Variants in PCDHA7 observed in about 807,000 individuals in gnomAD.
PCDHA7 encodes protocadherin alpha-7.
PCDHA7 carries 37 observed loss-of-function variants against 57.2 expected under a neutral mutation model. The observed-to-expected ratio is 0.65, with a 90% CI of 0.50 to 0.85. PCDHA7 has a LOEUF of 0.85. PCDHA7 is among the 40% of genes least tolerant of loss of function. The pLI, the probability that PCDHA7 is intolerant of heterozygous loss-of-function variation, is 0.00. For missense variants in PCDHA7, 1,188 were observed against 1,241.8 expected (o/e 0.96, Z 0.65); for synonymous variants, 553 against 558.8 (o/e 0.99, Z 0.15).
chr5:140,883,668 A>G (rs782191858), intron 1 of PCDHA7: 16 of 1,613,456 alleles, frequency 9.9e-6, no homozygotes, highest in Non-Finnish European at 1.4e-5. Flanking sequence ...GTGAAGGAAA[A>G]CAATCCGCCG....
chr5:140,840,555 T>C (rs1418325429), intron 1 of PCDHA7, among the ~76,000 whole-genome samples: 1 of 152,084 alleles, frequency 6.6e-6, no homozygotes, highest in African/African-American at 2.4e-5. Flanking sequence ...ATGGCAATAC[T>C]GCTAGAGTTT....
At chr5:140,960,763 C>A (rs1424215578) in intron 1 of PCDHA7, among the ~76,000 whole-genome samples, 1 of 151,896 alleles carries the variant, frequency 6.6e-6, no homozygotes, top group Non-Finnish European at 1.5e-5. Flanking sequence ...CCAAGAGTTA[C>A]AGAGGAGAAA....
chr5:140,968,709 T>C lies in PCDHA7; in HGVS notation c.2356-10240T>C, dbSNP rs2153773320. ...GGAGAAATTAGGACTACCAGGAAGA[T>C]GGGAGATGAGAGTGGTAGCACTTTC... On this transcript the variant is annotated intron_variant, in intron 1 of 3. Coordinates refer to ENST00000525929, the MANE Select transcript of PCDHA7 (RefSeq NM_018910.3). The C allele has an allele frequency of 1.9e-6, 3 of 1,614,030 alleles. No homozygotes were observed. In the East Asian group the frequency reaches 6.7e-5, roughly 36 times the overall value.
At chr5:140,971,845 G>C (rs370364575) in intron 1 of PCDHA7, among the ~76,000 whole-genome samples, 1 of 151,934 alleles carries the variant, frequency 6.6e-6, no homozygotes, top group Non-Finnish European at 1.5e-5. Flanking sequence ...CAAGTCATGC[G>C]TTAAATATTT....
At chr5:140,961,384 A>G (rs568973458) in intron 1 of PCDHA7, among the ~76,000 whole-genome samples, 44 of 152,302 alleles carry the variant, frequency 2.9e-4, no homozygotes, top group Non-Finnish European at 5.7e-4. Flanking sequence ...AGTTTGAACT[A>G]TTCCATTAGT....
chr5:140,967,698 A>T, intron 1 of PCDHA7: 1 of 1,614,174 alleles, frequency 6.2e-7, no homozygotes, highest in Non-Finnish European at 8.5e-7. Context: ...TTCAGCATAG[A>T]TGCCAGTACC....
intron 1 of PCDHA7, chr5:140,877,657 G>A: frequency 6.2e-7 from 1 of 1,613,570 alleles, no homozygotes; most frequent in Non-Finnish European, 8.5e-7. Flanking sequence ...GCCGCCCACC[G>A]TGAGCCGGTG....
intron 1 of PCDHA7, chr5:140,882,683 C>G (rs1554175163): frequency 6.2e-7 from 1 of 1,614,148 alleles, no homozygotes; most frequent in Non-Finnish European, 8.5e-7. Flanking sequence ...AAGCAAGAAA[C>G]GAATAATCAT....
intron 1 of PCDHA7, chr5:140,930,529 C>T (rs1175564392): frequency 6.6e-6 from 1 of 152,500 alleles, no homozygotes; most frequent in African/African-American, 2.4e-5. Flanking sequence ...GGCCCTCAAA[C>T]TTCTTGAGTG....
intron 3 of PCDHA7, among the ~76,000 whole-genome samples, chr5:141,000,395 CTATATA>C (rs1190667031): frequency 5.7e-4 from 31 of 53,962 alleles, no homozygotes; most frequent in Admixed American, 2.5e-3. Flanking sequence ...CTCTCTCTCT[CTATATA>C]TATATATATA....
At chr5:140,843,846 C>A in intron 1 of PCDHA7, 3 of 993,808 alleles carry the variant, frequency 3.0e-6, no homozygotes, top group Non-Finnish European at 4.4e-6. Context: ...TTTTAGAAAC[C>A]TTTTATAATT....
At chr5:140,866,296 A>T (rs2049269688) in intron 1 of PCDHA7, 4 of 152,164 alleles carry the variant, frequency 2.6e-5, no homozygotes, top group Admixed American at 2.6e-4. Flanking sequence ...ACAAGTATAG[A>T]TGTTGATATT....
In PCDHA7 at chr5:140,841,532, C is replaced by A. The variant is rs2150317529; in HGVS notation, c.2355+4794C>A. 22 of 1,613,576 alleles carry A rather than the reference C, an allele frequency of 1.4e-5. No individual in the cohort carries two copies. In the South Asian group the frequency reaches 2.3e-4, roughly 17 times the overall value. ...CCTGTTCCGGGTGGCGTCCAAAAGA[C>A]ACCGGGACCTTCTGGAGGTAAGTCT... On this transcript the variant is annotated intron_variant, in intron 1 of 3. Coordinates refer to ENST00000525929, the MANE Select transcript of PCDHA7 (RefSeq NM_018910.3).
intron 1 of PCDHA7, chr5:140,929,360 C>T (rs781864515): frequency 6.6e-7 from 1 of 1,519,748 alleles, no homozygotes; most frequent in Admixed American, 2.2e-5. Context: ...TTCCTTTGGC[C>T]CGGAGATGGC....
chr5:140,871,710 C>T (rs1306052156), intron 1 of PCDHA7: 4 of 826,486 alleles, frequency 4.8e-6, no homozygotes, highest in East Asian at 2.8e-5. Flanking sequence ...AATAAATGTC[C>T]TATTTCTCTT....
In PCDHA7 at chr5:140,907,883, G is replaced by A. The variant is rs374762446; in HGVS notation, c.2356-71066G>A. Among the ~76,000 whole-genome samples, 394 of 152,228 alleles carry A rather than the reference G, an allele frequency of 2.6e-3. 2 individuals carry two copies. Among genetic ancestry groups the A allele is most frequent in the African/African-American group, 9.2e-3 (382 of 41,542 alleles). ...CCAGCCGTTGGTGAGCACTCACATG[G>A]GATACAAATATCTTCACAGTTTTTG... On this transcript the variant is annotated intron_variant, in intron 1 of 3. Coordinates refer to ENST00000525929, the MANE Select transcript of PCDHA7 (RefSeq NM_018910.3).
intron 1 of PCDHA7, among the ~76,000 whole-genome samples, chr5:140,899,954 T>C (rs1240765868): frequency 6.6e-6 from 1 of 151,586 alleles, no homozygotes; most frequent in Non-Finnish European, 1.5e-5. Context: ...ACCACAGGCA[T>C]GTGCTGCCAT....
chr5:140,839,534 C>T (rs1554137499), intron 1 of PCDHA7, among the ~76,000 whole-genome samples: 2 of 151,968 alleles, frequency 1.3e-5, no homozygotes, highest in Non-Finnish European at 2.9e-5. Flanking sequence ...GGACTATAGG[C>T]ACACACCACC....
chr5:140,856,559 C>T (rs782226001), intron 1 of PCDHA7: 3 of 1,598,104 alleles, frequency 1.9e-6, no homozygotes, highest in Non-Finnish European at 2.6e-6. Context: ...TACTTACAAA[C>T]TCAGTCCAAA....
Sources: gnomAD v4.1 joint callset for allele counts (sites outside exome capture counted in the v4.1 genomes callset) on GRCh38, gnomAD v4.1.1 for gene constraint, MANE v1.5 for transcripts, NCBI Gene and HGNC (gene_info 2026-07-23, HGNC 2026-07-21) for gene names.